NRG1: variants seen among roughly 807,000 people sequenced by gnomAD.
NRG1 encodes the protein pro-neuregulin-1, membrane-bound isoform.
NRG1 carries 18 observed loss-of-function variants against 63.8 expected under a neutral mutation model. That is an observed-to-expected ratio of 0.28 (90% CI 0.19 to 0.42). The LOEUF (loss-of-function observed/expected upper bound fraction) is 0.42. NRG1 is among the 10% of genes least tolerant of loss of function. The probability of loss-of-function intolerance (pLI) is 1.00; values close to 1 mark genes in which losing one functional copy is unlikely to be tolerated. For synonymous variants in NRG1, 302 were observed against 301.3 expected, an observed-to-expected ratio of 1.00 and a Z score of -0.02; for missense variants, 762 against 814.7, an observed-to-expected ratio of 0.94 and a Z score of 0.79.
intron 5 of NRG1, among the ~76,000 whole-genome samples, chr8:32,636,496 A>G (rs1851364831): frequency 6.6e-6 from 1 of 152,218 alleles, no homozygotes; most frequent in South Asian, 2.1e-4. Flanking sequence ...CCAGTTGACC[A>G]CTGGAAAAGG....
chr8:31,742,118 C>T (rs1404405127), intron 1 of NRG1, among the ~76,000 whole-genome samples: 2 of 151,860 alleles, frequency 1.3e-5, no homozygotes, highest in Non-Finnish European at 2.9e-5. Context: ...GAAATTATTC[C>T]ATTTCTGTAA....
chr8:32,048,434 CATATATACATACATATAT>C (rs1264326363), intron 1 of NRG1, among the ~76,000 whole-genome samples: 4 of 73,078 alleles, frequency 5.5e-5, no homozygotes, highest in African/African-American at 2.1e-4. Flanking sequence ...CATATGTACA[CATATATACATACATATAT>C]ATATATATAT....
At chr8:32,770,366 G>C (rs566556969), downstream of NRG1, among the ~76,000 whole-genome samples, 2 of 152,308 alleles carry the variant, frequency 1.3e-5, no homozygotes, top group South Asian at 4.1e-4. Context: ...ACATCTAAGA[G>C]AGCTGCAGAG....
intron 4 of NRG1, 128 bp downstream of exon 4, chr8:32,614,692 A>C: frequency 1.2e-6 from 1 of 825,498 alleles, no homozygotes; most frequent in Non-Finnish European, 1.9e-6. Context: ...CTGCTTCAAT[A>C]TTTTTCTCAA....
At chr8:32,002,216 G>C (rs1245652930) in intron 1 of NRG1, among the ~76,000 whole-genome samples, 2 of 151,986 alleles carry the variant, frequency 1.3e-5, no homozygotes, top group South Asian at 4.2e-4. Context: ...TAGAGACAGG[G>C]TGTCACCATA....
chr8:31,694,360 A>T lies in NRG1; in HGVS notation c.37+54929A>T, dbSNP rs553921366. On this transcript the variant is annotated intron_variant, in intron 1 of 10. Transcript: ENST00000519301. ...CTCAGCCCTTCTCTGTGTCTAGAGA[A>T]TTGTTAAATTACTAAATTAAAATGA... Among the ~76,000 whole-genome samples, 7 of 152,294 alleles carry T rather than the reference A, an allele frequency of 4.6e-5. No individual in the cohort carries two copies. In the East Asian group the frequency reaches 1.2e-3, roughly 25 times the overall value.
At chr8:31,681,033 C>T (rs941100737) in intron 1 of NRG1, among the ~76,000 whole-genome samples, 4 of 152,092 alleles carry the variant, frequency 2.6e-5, no homozygotes, top group East Asian at 3.9e-4. Flanking sequence ...GAGACCCACA[C>T]ATTTATGTAA....
chr8:32,210,944 T>C (rs1261380220), intron 1 of NRG1, among the ~76,000 whole-genome samples: 1 of 152,218 alleles, frequency 6.6e-6, no homozygotes, highest in Non-Finnish European at 1.5e-5. Flanking sequence ...ACCAGTTTAT[T>C]AAATATATTT....
chr8:32,611,620 T>A (rs1054115159), intron 3 of NRG1, among the ~76,000 whole-genome samples: 1 of 152,066 alleles, frequency 6.6e-6, no homozygotes, highest in Non-Finnish European at 1.5e-5. Context: ...GCATTCATTA[T>A]GAACAGGAAG....
At chr8:32,287,128 C>T (rs948139936) in intron 1 of NRG1, 8 of 152,186 alleles carry the variant, frequency 5.3e-5, no homozygotes, top group Non-Finnish European at 7.4e-5. Context: ...CGCAAATGAA[C>T]TAAGACAACA....
chr8:32,169,849 G>T (rs1839823141), intron 1 of NRG1, among the ~76,000 whole-genome samples: 1 of 152,168 alleles, frequency 6.6e-6, no homozygotes, highest in Non-Finnish European at 1.5e-5. Context: ...TAACCCCAGT[G>T]CTGCTGAATG....
intron 7 of NRG1, among the ~76,000 whole-genome samples, chr8:32,748,341 A>ACGCGCG (rs1564098228): frequency 1.2e-5 from 1 of 81,306 alleles, no homozygotes; most frequent in Admixed American, 1.7e-4. Context: ...GCGCGCGCGC[A>ACGCGCG]CACACACACA....
chr8:32,069,958 C>T (rs901901221), intron 1 of NRG1, among the ~76,000 whole-genome samples: 13 of 152,150 alleles, frequency 8.5e-5, no homozygotes, highest in African/African-American at 3.1e-4. Flanking sequence ...TAGAGCAGTT[C>T]ATCCTCGGTA....
chr8:32,005,294 T>C (rs1339279532), intron 1 of NRG1, among the ~76,000 whole-genome samples: 1 of 151,950 alleles, frequency 6.6e-6, no homozygotes, highest in East Asian at 2.0e-4. Context: ...TATCCTCACA[T>C]ATTCTTACAT....
chr8:31,962,969 G>A (rs1396251721), intron 1 of NRG1, among the ~76,000 whole-genome samples: 6 of 152,154 alleles, frequency 3.9e-5, no homozygotes, highest in South Asian at 2.1e-4. Context: ...TGGACATAAC[G>A]TATCATGTAG....
chr8:32,461,325 G>T (rs974290762), intron 1 of NRG1, among the ~76,000 whole-genome samples: 1 of 152,160 alleles, frequency 6.6e-6, no homozygotes, highest in African/African-American at 2.4e-5. Context: ...TAAAATAAGT[G>T]CCTTCTAAAA....
intron 1 of NRG1, among the ~76,000 whole-genome samples, chr8:31,758,327 G>C (rs1024142280): frequency 6.6e-6 from 1 of 152,046 alleles, no homozygotes; most frequent in African/African-American, 2.4e-5. Context: ...TTCTGTTCCT[G>C]TGTTAGTTTG....
At chr8:32,403,474 T>A (rs1813515271) in intron 1 of NRG1, among the ~76,000 whole-genome samples, 1 of 152,142 alleles carries the variant, frequency 6.6e-6, no homozygotes, top group Non-Finnish European at 1.5e-5. Flanking sequence ...CTTAAGAAAT[T>A]TGCTTCTAGT....
chr8:31,941,836 A>C (rs1801798192), intron 1 of NRG1, among the ~76,000 whole-genome samples: 1 of 152,194 alleles, frequency 6.6e-6, no homozygotes, highest in Admixed American at 6.5e-5. Context: ...CTAAACAAGG[A>C]TGTGAAAGAC....
Sources: gnomAD v4.1 joint callset for allele counts (sites outside exome capture counted in the v4.1 genomes callset) on GRCh38, gnomAD v4.1.1 for gene constraint, MANE v1.5 for transcripts, NCBI Gene and HGNC (gene_info 2026-07-23, HGNC 2026-07-21) for gene names.